Variants in TMEM132B observed in about 807,000 individuals in gnomAD.
TMEM132B encodes the protein transmembrane protein 132B.
In TMEM132B, 18 loss-of-function variants were observed where a neutral mutation model predicts 90.8. That is an observed-to-expected ratio of 0.20 (90% CI 0.14 to 0.29). The LOEUF (loss-of-function observed/expected upper bound fraction) is 0.29. Ranked by LOEUF, TMEM132B falls within the 10% of genes least tolerant of loss-of-function variation. The probability of loss-of-function intolerance (pLI) is 1.00; values close to 1 mark genes in which losing one functional copy is unlikely to be tolerated. For synonymous variants in TMEM132B, 504 were observed against 523.3 expected, an observed-to-expected ratio of 0.96 and a Z score of 0.50; for missense variants, 1,096 against 1,326.8, an observed-to-expected ratio of 0.83 and a Z score of 2.70.
intron 1 of TMEM132B, among the ~76,000 whole-genome samples, chr12:125,264,879 T>A (rs907097482): frequency 2.0e-5 from 3 of 152,252 alleles, no homozygotes; most frequent in Non-Finnish European, 4.4e-5. Context: ...TTCATTTATT[T>A]TTTGAAATTT....
At position 125,459,174 on chromosome 12, in the gene TMEM132B, AG is replaced by A. The variant is rs1881372825; in HGVS notation, c.1106+43501del. On this transcript the variant is annotated intron_variant, in intron 3 of 8. Coordinates refer to ENST00000682704, the MANE Select transcript of TMEM132B (RefSeq NM_001366854.1). This position sits in a 1 kb window ranked among gnomAD's most constrained non-coding sequence, Gnocchi z 4.1. ...ATGCCTGTGTGGTTTGAACACGAGGAGGGGCTGAAACTGGGGCAGCTGGGCA... is the reference window on the plus strand; with the variant it reads ...ATGCCTGTGTGGTTTGAACACGAGGAGGGCTGAAACTGGGGCAGCTGGGCA... Among the ~76,000 whole-genome samples the A allele has an allele frequency of 6.6e-6, 1 of 152,082 alleles. No individual in the cohort carries two copies. The highest frequency in any genetic ancestry group is 1.5e-5 in the Non-Finnish European group (1 of 67,996).
chr12:125,454,445 T>A (rs1436758540), intron 3 of TMEM132B, among the ~76,000 whole-genome samples: 4 of 151,748 alleles, frequency 2.6e-5, no homozygotes, highest in Non-Finnish European at 2.9e-5. Context: ...TCCTAGCATT[T>A]CTCTGCATAT....
At chr12:125,301,241 A>G (rs1267404140) in intron 1 of TMEM132B, 3 of 152,182 alleles carry the variant, frequency 2.0e-5, no homozygotes, top group African/African-American at 7.2e-5. Flanking sequence ...CATTTTATAG[A>G]GGGATCTATG....
In TMEM132B at chr12:125,498,728, T is replaced by C. The variant is rs947837312; in HGVS notation, c.1107-20711T>C. ...AACACATTTATTTACTTTGGGTTAC[T>C]AGAGTCCCATGGGGCTTGTTCTAAT... On this transcript the variant is annotated intron_variant, in intron 3 of 8. Transcript: ENST00000682704. The surrounding 1 kb of genome is among the most constrained non-coding windows in gnomAD (Gnocchi z 4.5). 2.0e-5 allele frequency among the ~76,000 whole-genome samples: 3 copies of C among 152,250 alleles called. No individual in the cohort carries two copies. Among genetic ancestry groups the C allele is most frequent in the South Asian group, 2.1e-4 (1 of 4,834 alleles).
At chr12:125,597,642 T>C (rs1272658187) in intron 5 of TMEM132B, among the ~76,000 whole-genome samples, 2 of 152,198 alleles carry the variant, frequency 1.3e-5, no homozygotes, top group African/African-American at 2.4e-5. Flanking sequence ...CAATGAGAGC[T>C]CTCAAAGTTT....
intron 1 of TMEM132B, among the ~76,000 whole-genome samples, chr12:125,275,425 A>G (rs1431664835): frequency 2.0e-5 from 3 of 152,212 alleles, no homozygotes. Flanking sequence ...TGGCTGAGGA[A>G]TCAAAGAAAC....
chr12:125,549,202 G>T (rs531305112), intron 4 of TMEM132B, among the ~76,000 whole-genome samples: 1 of 152,314 alleles, frequency 6.6e-6, no homozygotes, highest in Admixed American at 6.5e-5. Context: ...TTATGCTTGT[G>T]ATAACAAGCA....
At chr12:125,294,776 G>A (rs1023833354) in intron 1 of TMEM132B, among the ~76,000 whole-genome samples, 6 of 152,202 alleles carry the variant, frequency 3.9e-5, no homozygotes, top group Non-Finnish European at 7.4e-5. Context: ...TAAGGCAGGA[G>A]AATGATTGAG....
rs1383582832 is a variant in TMEM132B, at chr12:125,657,031, A to G, written c.*2321A>G. 3.3e-5 allele frequency: 5 copies of G among 152,246 alleles called. No individual in the cohort carries two copies. The highest frequency in any genetic ancestry group is 9.6e-5 in the African/African-American group (4 of 41,452). 9.4% of individuals were successfully genotyped at this position (152,246 alleles called of 1,614,324 possible). A position where few individuals can be genotyped will look rare whatever the true frequency, so the allele number is the denominator to read the frequency against. ...GCCATGGGGAGTGTTATTCAGGAACATAAAAATTAGAGCATTCCCTCTGAT... is the reference window on the plus strand; with the variant it reads ...GCCATGGGGAGTGTTATTCAGGAACGTAAAAATTAGAGCATTCCCTCTGAT... On this transcript the variant is annotated 3_prime_UTR_variant, in exon 9 of 9. Transcript: ENST00000682704.
intron 5 of TMEM132B, among the ~76,000 whole-genome samples, chr12:125,636,181 G>A (rs1339253178): frequency 6.6e-6 from 1 of 152,086 alleles, no homozygotes; most frequent in East Asian, 1.9e-4. Flanking sequence ...TTAAATTGGT[G>A]TCCTTGTGGT....
At chr12:125,240,631 T>G (rs148276421) in intron 1 of TMEM132B, among the ~76,000 whole-genome samples, 14 of 152,238 alleles carry the variant, frequency 9.2e-5, no homozygotes, top group Non-Finnish European at 1.5e-4. Context: ...TGCACCTTAC[T>G]CTTAGACAGG....
At chr12:125,412,884 T>C (rs887195121) in intron 2 of TMEM132B, among the ~76,000 whole-genome samples, 1 of 151,952 alleles carries the variant, frequency 6.6e-6, no homozygotes, top group African/African-American at 2.4e-5. Flanking sequence ...AAAGAAAGCT[T>C]TGTGAAAGTA....
chr12:125,554,602 T>C (rs1884325198), intron 4 of TMEM132B, among the ~76,000 whole-genome samples: 1 of 152,140 alleles, frequency 6.6e-6, no homozygotes. Flanking sequence ...GCACTTCGAA[T>C]GCTGTGAAAT....
intron 1 of TMEM132B, chr12:125,301,907 A>ACAAAACAAAAC (rs58838414): frequency 1.4e-5 from 2 of 140,526 alleles, no homozygotes; most frequent in African/African-American, 2.7e-5. Flanking sequence ...ACAAAACAAA[A>ACAAAACAAAAC]AAAGAAAAAA....
intron 5 of TMEM132B, among the ~76,000 whole-genome samples, chr12:125,640,620 G>T (rs1177542116): frequency 6.6e-6 from 1 of 152,110 alleles, no homozygotes; most frequent in Non-Finnish European, 1.5e-5. Context: ...TCCTGGAGAG[G>T]ACAGAGGTGA....
chr12:125,226,115 C>G (rs1873675634), intron 1 of TMEM132B, among the ~76,000 whole-genome samples: 1 of 152,116 alleles, frequency 6.6e-6, no homozygotes, highest in Admixed American at 6.5e-5. Context: ...TTCAAGTATA[C>G]CTGTTTGGTT....
chr12:125,509,364 C>T (rs533345712), intron 3 of TMEM132B, among the ~76,000 whole-genome samples: 2 of 152,184 alleles, frequency 1.3e-5, no homozygotes, highest in Admixed American at 6.5e-5. Flanking sequence ...GAGGATTATC[C>T]TTGCTGGTCC....
At position 125,277,026 on chromosome 12, in the gene TMEM132B, C is replaced by T. The variant is rs759351232; in HGVS notation, c.68-72426C>T. On this transcript the variant is annotated intron_variant, in intron 1 of 8. Coordinates refer to ENST00000682704, the MANE Select transcript of TMEM132B (RefSeq NM_001366854.1). The surrounding 1 kb of genome is among the most constrained non-coding windows in gnomAD (Gnocchi z 4.3). ...GGCTATGAGCTGGATTTGTGGGTAC[C>T]GTGGGTTGAATTATGTCCACCAAAA... Among the ~76,000 whole-genome samples the T allele has an allele frequency of 1.3e-5, 2 of 152,112 alleles. No individual in the cohort carries two copies. The highest frequency in any genetic ancestry group is 2.4e-5 in the African/African-American group (1 of 41,408).
chr12:125,314,971 G>A (rs1210372991), intron 1 of TMEM132B, among the ~76,000 whole-genome samples: 2 of 152,126 alleles, frequency 1.3e-5, no homozygotes, highest in African/African-American at 4.8e-5. Context: ...GCAGAGTTGG[G>A]GCTGGTTAAC....
Sources: gnomAD v4.1 joint callset for allele counts (sites outside exome capture counted in the v4.1 genomes callset) on GRCh38, gnomAD v4.1.1 for gene constraint, Gnocchi (gnomAD v3.1) non-coding constraint, MANE v1.5 for transcripts, NCBI Gene and HGNC (gene_info 2026-07-23, HGNC 2026-07-21) for gene names.